Variants in SIDT1 observed in about 807,000 individuals in gnomAD.
The protein encoded by SIDT1 is SID1 transmembrane family, member 1.
A neutral mutation model predicts 107.5 loss-of-function variants in SIDT1; 101 were observed. The observed-to-expected ratio is 0.94, with a 90% confidence interval of 0.80 to 1.11. The LOEUF (loss-of-function observed/expected upper bound fraction) is 1.11. Ranked by LOEUF, SIDT1 falls within the 50% of genes least tolerant of loss-of-function variation. The pLI, the probability that SIDT1 is intolerant of heterozygous loss-of-function variation, is 0.00. For missense variants in SIDT1, 1,076 were observed against 1,058.2 expected (o/e 1.02, Z -0.23); for synonymous variants, 395 against 398.2 (o/e 0.99, Z 0.10).
At chr3:113,534,361 C>T (rs1937856649) in intron 1 of SIDT1, among the ~76,000 whole-genome samples, 1 of 152,214 alleles carries the variant, frequency 6.6e-6, no homozygotes, top group Admixed American at 6.5e-5. Flanking sequence ...TAGACATCTT[C>T]CAGCTGTGTG....
chr3:113,632,491 G>A (rs1947100709), downstream of SIDT1, among the ~76,000 whole-genome samples: 1 of 152,192 alleles, frequency 6.6e-6, no homozygotes, highest in Non-Finnish European at 1.5e-5. Flanking sequence ...ATTTAGGCAT[G>A]AGGTTTACTC....
downstream of SIDT1, among the ~76,000 whole-genome samples, chr3:113,632,060 CT>C (rs895185415): frequency 1.1e-4 from 16 of 151,302 alleles, no homozygotes; most frequent in Middle Eastern, 3.4e-3. Context: ...CAATAGCTGA[CT>C]TTTTTTTTAA....
chr3:113,601,764 T>C (rs1301189875), intron 11 of SIDT1, 105 bp downstream of exon 11: 3 of 703,576 alleles, frequency 4.3e-6, no homozygotes, highest in African/African-American at 3.7e-5. Context: ...GCAAAGCAGC[T>C]ATCCTATGAG....
intron 9 of SIDT1, among the ~76,000 whole-genome samples, chr3:113,590,743 G>A (rs1465368349): frequency 6.6e-6 from 1 of 152,098 alleles, no homozygotes; most frequent in East Asian, 1.9e-4. Context: ...ATATTTTGGA[G>A]TAAATTTAAC....
intron 12 of SIDT1, among the ~76,000 whole-genome samples, chr3:113,603,689 C>T (rs1449796741): frequency 6.6e-6 from 1 of 152,084 alleles, no homozygotes; most frequent in Non-Finnish European, 1.5e-5. Context: ...AATAAGTTGC[C>T]CACATCAGCC....
At chr3:113,562,924 T>A (rs74820984) in intron 1 of SIDT1, among the ~76,000 whole-genome samples, 2,053 of 152,334 alleles carry the variant, frequency 0.013, 49 homozygotes, top group African/African-American at 0.047. Context: ...ACTACATTTT[T>A]AGGTTGCTAT....
rs72952644 is a variant in SIDT1 at position 113,619,426 on chromosome 3, A to G, written c.2044-254A>G. ...GGCCCAGCTCCACTAAACACTGGGA[A>G]GAAATAGAGTCCTGCTTTGCTCACC... On this transcript the variant is annotated intron_variant, in intron 20 of 24. Transcript: ENST00000264852. Among the ~76,000 whole-genome samples the G allele has an allele frequency of 4.6e-3, 695 of 152,358 alleles. 10 individuals are homozygous for G. The highest frequency in any genetic ancestry group is 0.016 in the African/African-American group (646 of 41,584).
intron 14 of SIDT1, 99 bp from the exon 15 acceptor site, chr3:113,606,942 C>G: frequency 1.3e-6 from 1 of 753,016 alleles, no homozygotes; most frequent in Non-Finnish European, 2.4e-6. Flanking sequence ...AAACTAGTGA[C>G]AGTGCATCTC....
chr3:113,563,623 G>T (rs1405775033), intron 1 of SIDT1, among the ~76,000 whole-genome samples: 3 of 152,150 alleles, frequency 2.0e-5, no homozygotes, highest in African/African-American at 7.2e-5. Context: ...TTTGTGAGCT[G>T]CTTTCTTTAA....
chr3:113,533,071 T>C lies in SIDT1; in HGVS notation c.50T>C (p.Leu17Pro), dbSNP rs1937641032. ...CTGCTCTGCGCGCTGCCCTGGCTCC[T>C]GCTGGCGGCGTCGCCCGGGCACCCG... The part of the protein sequence containing the change: ...LALLCALPWL[L>P]LAASPGHPAK... The change falls in exon 1 of 25, where the codon CTG (leucine) becomes CCG (proline). Residue 17 changes from leucine (L) to proline (P), a missense_variant. Transcript: ENST00000264852. 6.7e-6 allele frequency: 10 copies of C among 1,497,810 alleles called. No individual in the cohort carries two copies. Among genetic ancestry groups the C allele is most frequent in the East Asian group, 5.7e-5 (2 of 35,356 alleles). 92.8% of individuals were successfully genotyped at this position (1,497,810 alleles called of 1,614,324 possible). A position where few individuals can be genotyped will look rare whatever the true frequency, so the allele number is the denominator to read the frequency against.
At chr3:113,595,955 G>A (rs186262628) in intron 10 of SIDT1, among the ~76,000 whole-genome samples, 401 of 152,242 alleles carry the variant, frequency 2.6e-3, no homozygotes, top group African/African-American at 9.3e-3. Flanking sequence ...AAGAGACAGA[G>A]GCAAGTAAGG....
intron 1 of SIDT1, among the ~76,000 whole-genome samples, chr3:113,548,475 G>A (rs1005787152): frequency 5.9e-5 from 9 of 151,890 alleles, no homozygotes; most frequent in African/African-American, 1.9e-4. Context: ...AGAATGTCAC[G>A]TAGTTGTGAA....
chr3:113,561,296 A>G (rs573802637), intron 1 of SIDT1, among the ~76,000 whole-genome samples: 11 of 152,310 alleles, frequency 7.2e-5, no homozygotes, highest in African/African-American at 2.6e-4. Context: ...AAAACTGCCC[A>G]ATGTCTTCTA....
At chr3:113,581,026 C>G (rs894677914) in intron 5 of SIDT1, among the ~76,000 whole-genome samples, 6 of 152,026 alleles carry the variant, frequency 3.9e-5, no homozygotes, top group Admixed American at 3.3e-4. Flanking sequence ...AAAATTGAAC[C>G]CTACCATTTG....
intron 23 of SIDT1, 41 bp downstream of exon 23, chr3:113,623,774 C>T: frequency 1.4e-6 from 2 of 1,414,232 alleles, no homozygotes; most frequent in Non-Finnish European, 2.0e-6. Flanking sequence ...ACCTCTCTCT[C>T]CAACTTGCCA....
chr3:113,606,861 A>T (rs1945368538), intron 14 of SIDT1, 180 bp from the exon 15 acceptor site: 1 of 490,596 alleles, frequency 2.0e-6, no homozygotes, highest in African/African-American at 1.9e-5. Context: ...CTTTTTTGTA[A>T]AAAAAGTGCC....
At chr3:113,626,962 T>C (rs1287900982) in intron 24 of SIDT1, among the ~76,000 whole-genome samples, 1 of 152,140 alleles carries the variant, frequency 6.6e-6, no homozygotes, top group Non-Finnish European at 1.5e-5. Flanking sequence ...AGGGCTATCC[T>C]CTAGTGGCCA....
Position 113,573,661 on chromosome 3 carries a change from G to A in SIDT1, c.516-3261G>A, listed in dbSNP as rs191025956. Among the ~76,000 whole-genome samples, 1,169 of 152,260 alleles carry A rather than the reference G, an allele frequency of 7.7e-3. 15 individuals are homozygous for A. Among genetic ancestry groups the A allele is most frequent in the African/African-American group, 0.026 (1,093 of 41,526 alleles). On this transcript the variant is annotated intron_variant, in intron 3 of 24. Transcript: ENST00000264852. ...ATTAGGTCGTGAGAGTGGAGCCCTT[G>A]TGAATGGGATTAATACCTTTATGAA...
chr3:113,601,599 AT>A lies in SIDT1; in HGVS notation c.1058del (p.Met353ArgfsTer20). ...SFGSNDGSGN[M>X]VASHPIAAST... ...ACTTTTTTTAACAGGCTCTGGAAAT[AT>A]GGTGGCATCTCATCCCATTGCTGCC... is the stretch of plus-strand genomic sequence containing the variant. On this transcript the variant is annotated frameshift_variant, in exon 11 of 25. Transcript: ENST00000264852. LOFTEE classifies it high-confidence loss of function. 6.2e-7 allele frequency: 1 copy of A among 1,613,850 alleles called. No individual in the cohort carries two copies. The highest frequency in any genetic ancestry group is 8.5e-7 in the Non-Finnish European group (1 of 1,179,764).
Sources: allele counts gnomAD v4.1 joint callset (sites outside exome capture counted in the v4.1 genomes callset), GRCh38; gene constraint gnomAD v4.1.1; transcripts MANE v1.5; gene names NCBI Gene and HGNC (gene_info 2026-07-23, HGNC 2026-07-21).